Variants in AAK1 observed in about 807,000 individuals in gnomAD.
The protein encoded by AAK1 is AP2 associated kinase 1, also known as AP2-associated protein kinase 1.
In AAK1, 37 loss-of-function variants were observed where a neutral mutation model predicts 116.0. The ratio of observed to expected loss-of-function variants is 0.32; its 90% CI spans 0.25 to 0.42. The LOEUF (loss-of-function observed/expected upper bound fraction) is 0.42, where lower values mean the gene tolerates loss of function less well. AAK1 is among the 10% of genes least tolerant of loss of function. AAK1 has a pLI of 1.00. For missense variants in AAK1, 919 were observed against 1,170.6 expected (o/e 0.79, Z 3.14); for synonymous variants, 458 against 439.9 (o/e 1.04, Z -0.51).
At chr2:69,554,718 G>A (rs577487485) in intron 3 of AAK1, among the ~76,000 whole-genome samples, 1 of 152,350 alleles carries the variant, frequency 6.6e-6, no homozygotes, top group African/African-American at 2.4e-5. Context: ...ATCACCTAAA[G>A]AGGTTGCCGC....
chr2:69,643,727 C>G lies in AAK1; in HGVS notation c.-387G>C, dbSNP rs569749268. On this transcript the variant is annotated 5_prime_UTR_variant, in exon 1 of 22. Transcript: ENST00000409085. ...CGCCCGCCAGCTGATCCCGGGAGCGCCGGGCGGAGACTGACCCGCCGCCCC... is the reference window on the plus strand; with the variant it reads ...CGCCCGCCAGCTGATCCCGGGAGCGGCGGGCGGAGACTGACCCGCCGCCCC... 3 of 1,211,186 alleles carry G rather than the reference C, an allele frequency of 2.5e-6. No individual in the cohort carries two copies. The African/African-American group carries it at 4.7e-5, about 19-fold the overall frequency. The allele number at this position is 1,211,186 out of a possible 1,614,324, so 75.0% of individuals were successfully genotyped here.
At chr2:69,509,097 T>A in intron 14 of AAK1, 134 bp downstream of exon 14, 1 of 712,028 alleles carries the variant, frequency 1.4e-6, no homozygotes, top group Non-Finnish European at 2.3e-6. Flanking sequence ...ACCAGAAAAA[T>A]AAACAAACAC....
At position 69,492,354 on chromosome 2, in the gene AAK1, T is replaced by C. The variant is rs559859949; in HGVS notation, c.2365+3631A>G. The stretch of plus-strand genomic sequence containing the variant: ...TCAGCCTCCTGAGTGCCTGGGATTA[T>C]AGGCGCCCACCACCATGCCCAGCTA... On this transcript the variant is annotated intron_variant, in intron 17 of 21. Coordinates refer to ENST00000409085, the MANE Select transcript of AAK1 (RefSeq NM_014911.5). 3.5e-3 allele frequency among the ~76,000 whole-genome samples: 536 copies of C among 151,462 alleles called. 1 individual carries two copies. Among genetic ancestry groups the C allele is most frequent in the Non-Finnish European group, 5.8e-3 (393 of 67,810 alleles).
rs1674980485 is a variant in AAK1, at chr2:69,627,898, T to C, written c.163+14980A>G. ...AAGTCCCTAACTGAAGCCCGTCTCT[T>C]TTCCTCAAACACTATTCTTTCTTCT... is the stretch of plus-strand genomic sequence containing the variant. On this transcript the variant is annotated intron_variant, in intron 2 of 21. Coordinates refer to ENST00000409085, the MANE Select transcript of AAK1 (RefSeq NM_014911.5). Among the ~76,000 whole-genome samples the C allele has an allele frequency of 1.3e-5, 2 of 152,220 alleles. 1 individual carries two copies. Among genetic ancestry groups the C allele is most frequent in the South Asian group, 4.1e-4 (2 of 4,828 alleles).
intron 2 of AAK1, among the ~76,000 whole-genome samples, chr2:69,601,233 T>C (rs183217738): frequency 2.6e-5 from 4 of 152,350 alleles, no homozygotes; most frequent in African/African-American, 9.6e-5. Context: ...TAATATTTCT[T>C]CATATGACAC....
rs1304269107 is a variant in AAK1 at position 69,510,650 on chromosome 2, A to T, written c.1777-1190T>A. ...ACTGCTTTCCACAATGGTTGAACTAACTTATACTCCCATCAAGAATGTATA... is the reference window on the plus strand; with the variant it reads ...ACTGCTTTCCACAATGGTTGAACTATCTTATACTCCCATCAAGAATGTATA... On this transcript the variant is annotated intron_variant, in intron 13 of 21. Coordinates refer to ENST00000409085, the MANE Select transcript of AAK1 (RefSeq NM_014911.5). Among the ~76,000 whole-genome samples, 3 of 152,344 alleles carry T rather than the reference A, an allele frequency of 2.0e-5. No homozygotes were observed. In the South Asian group the frequency reaches 6.2e-4, roughly 32 times the overall value.
At chr2:69,635,326 C>A (rs1370375127) in intron 2 of AAK1, among the ~76,000 whole-genome samples, 1 of 152,158 alleles carries the variant, frequency 6.6e-6, no homozygotes, top group East Asian at 1.9e-4. Context: ...ATAACTGGAA[C>A]CTTTGTGCAC....
intron 6 of AAK1, chr2:69,531,456 G>A (rs1475667269): frequency 3.2e-6 from 1 of 313,132 alleles, no homozygotes; most frequent in Non-Finnish European, 4.6e-6. Context: ...TAGTAATAGC[G>A]AGTGCTGTTG....
chr2:69,523,918 C>T (rs1669900322), intron 10 of AAK1, among the ~76,000 whole-genome samples: 1 of 152,252 alleles, frequency 6.6e-6, no homozygotes, highest in South Asian at 2.1e-4. Context: ...TGCTTCTTCT[C>T]CCTCTGTCTG....
intron 17 of AAK1, among the ~76,000 whole-genome samples, chr2:69,483,306 A>G (rs1675166340): frequency 6.6e-6 from 1 of 152,212 alleles, no homozygotes; most frequent in South Asian, 2.1e-4. Flanking sequence ...AATTTCCTAT[A>G]AATGGAACCA....
At chr2:69,538,357 G>T (rs1227752668) in intron 5 of AAK1, among the ~76,000 whole-genome samples, 1 of 152,174 alleles carries the variant, frequency 6.6e-6, no homozygotes, top group Non-Finnish European at 1.5e-5. Context: ...GAAGAGGCTG[G>T]GGCCCGCTGC....
Position 69,472,504 on chromosome 2 carries a change from A to G in AAK1, c.*3365T>C. The G allele has an allele frequency of 1.5e-6, 1 of 647,106 alleles. No homozygotes were observed. Among genetic ancestry groups the G allele is most frequent in the Non-Finnish European group, 1.9e-6 (1 of 521,176 alleles). 40.1% of individuals were successfully genotyped at this position (647,106 alleles called of 1,614,324 possible). A position where few individuals can be genotyped will look rare whatever the true frequency, so the allele number is the denominator to read the frequency against. ...GTAAAACTAGATGACATTGAGGGGA[A>G]CAACACTTAATTAGATGTCAAAATT... On this transcript the variant is annotated 3_prime_UTR_variant, in exon 22 of 22. Transcript: ENST00000409085.
Position 69,643,169 on chromosome 2 carries a change from C to A in AAK1, c.-129G>T, listed in dbSNP as rs1396793. On this transcript the variant is annotated 5_prime_UTR_variant, in exon 2 of 22. Transcript: ENST00000409085. ...CACCTCGGAGAGGAGCCACCCGAAT[C>A]CGGCCGTGGGGGTGGGGGCTGAGGG... The A allele has an allele frequency of 0.044, 62,602 of 1,430,342 alleles. 7,907 individuals are homozygous for A. Among genetic ancestry groups the A allele is most frequent in the East Asian group, 0.43 (16,809 of 39,318 alleles). 88.6% of individuals were successfully genotyped at this position (1,430,342 alleles called of 1,614,324 possible).
chr2:69,560,673 G>A (rs978944978), intron 2 of AAK1, among the ~76,000 whole-genome samples: 1 of 152,088 alleles, frequency 6.6e-6, no homozygotes, highest in African/African-American at 2.4e-5. Flanking sequence ...AAGAAAACAC[G>A]TTTTCTCCCA....
At chr2:69,576,108 C>A (rs1043756676) in intron 2 of AAK1, among the ~76,000 whole-genome samples, 5 of 152,124 alleles carry the variant, frequency 3.3e-5, no homozygotes, top group Middle Eastern at 3.2e-3. Context: ...GAAACCCATG[C>A]ACTCTCTCAG....
At chr2:69,565,152 G>C (rs1264971177) in intron 2 of AAK1, among the ~76,000 whole-genome samples, 2 of 152,184 alleles carry the variant, frequency 1.3e-5, no homozygotes, top group Non-Finnish European at 2.9e-5. Context: ...GGGAGGAGTG[G>C]GGCCGGTGGC....
intron 3 of AAK1, among the ~76,000 whole-genome samples, chr2:69,550,006 A>G (rs1671108603): frequency 1.3e-5 from 2 of 152,194 alleles, no homozygotes; most frequent in South Asian, 2.1e-4. Flanking sequence ...GTAAGCCACA[A>G]TGCTTTCTTT....
At chr2:69,507,046 T>C (rs773370577) in intron 15 of AAK1, among the ~76,000 whole-genome samples, 1 of 152,204 alleles carries the variant, frequency 6.6e-6, no homozygotes, top group Non-Finnish European at 1.5e-5. Flanking sequence ...GGACAAGCAG[T>C]GGCAACTTTC....
chr2:69,604,442 C>G lies in AAK1; in HGVS notation c.163+38436G>C, dbSNP rs116542857. Among the ~76,000 whole-genome samples the G allele has an allele frequency of 1.7e-3, 252 of 152,294 alleles. 2 individuals are homozygous for G. The highest frequency in any genetic ancestry group is 5.9e-3 in the African/African-American group (244 of 41,560). On this transcript the variant is annotated intron_variant, in intron 2 of 21. Coordinates refer to ENST00000409085, the MANE Select transcript of AAK1 (RefSeq NM_014911.5). ...CTTTCATGCTTCTTCTCCTCTCCAA[C>G]TGTTTCTCTCCTCCTCTAGGGCACG...
Sources: allele counts gnomAD v4.1 joint callset (sites outside exome capture counted in the v4.1 genomes callset), GRCh38; gene constraint gnomAD v4.1.1; transcripts MANE v1.5; gene names NCBI Gene and HGNC (gene_info 2026-07-23, HGNC 2026-07-21).